Variants in ARHGEF12 observed in about 807,000 individuals in gnomAD.
The protein encoded by ARHGEF12 is KMT2A/ARHGEF12 fusion protein.
ARHGEF12 carries 66 observed loss-of-function variants against 211.2 expected under a neutral mutation model. That is an observed-to-expected ratio of 0.31 (90% CI 0.26 to 0.38). The LOEUF (loss-of-function observed/expected upper bound fraction) is 0.38. Among genes scored for constraint, ARHGEF12 ranks in the 10% least tolerant of loss-of-function variants. ARHGEF12 has a pLI of 1.00. For missense variants in ARHGEF12, 1,429 were observed against 1,869.5 expected, an observed-to-expected ratio of 0.76 and a Z score of 4.34; for synonymous variants, 592 against 638.4, an observed-to-expected ratio of 0.93 and a Z score of 1.09.
intron 1 of ARHGEF12, among the ~76,000 whole-genome samples, chr11:120,343,481 G>C (rs1028409324): frequency 1.3e-5 from 2 of 152,180 alleles, no homozygotes; most frequent in Non-Finnish European, 2.9e-5. Flanking sequence ...TGCCTAAATT[G>C]CATGAGTATA....
intron 1 of ARHGEF12, among the ~76,000 whole-genome samples, chr11:120,342,068 G>T (rs1942553330): frequency 6.6e-6 from 1 of 152,102 alleles, no homozygotes; most frequent in South Asian, 2.1e-4. Flanking sequence ...TATAAAACTA[G>T]AAAGGGCAGA....
chr11:120,447,024 T>C lies in ARHGEF12; in HGVS notation c.1528T>C (p.Leu510=). 2 of 1,614,146 alleles carry C rather than the reference T, an allele frequency of 1.2e-6. No homozygotes were observed. Among genetic ancestry groups the C allele is most frequent in the Non-Finnish European group, 1.7e-6 (2 of 1,180,032 alleles). Residue 510 remains leucine, a synonymous_variant, in exon 18 of 41, where the codon TTG becomes CTG. Transcript: ENST00000397843. ...TGATGCAGAGCGAGACAAGGACCGA[T>C]TGACTTTGGAGAAGGAGCGGACATG... ...KLDAERDKDR[L]TLEKERTCAE...
At chr11:120,348,295 G>A (rs1942829211) in intron 1 of ARHGEF12, among the ~76,000 whole-genome samples, 2 of 152,164 alleles carry the variant, frequency 1.3e-5, no homozygotes, top group African/African-American at 4.8e-5. Flanking sequence ...ATTTGCCCAA[G>A]AAGAATAAGT....
Position 120,431,812 on chromosome 11 carries a change from C to T in ARHGEF12, c.825C>T (p.Thr275=). ...CACCCTCCAGACCTTTAGGGGACAC[C>T]CTAACAGTCAGTGAGGCAGAAACAG... ...VVTPSRPLGD[T]LTVSEAETDP... is the part of the protein sequence containing the mutation. Residue 275 remains threonine (T), a synonymous_variant, in exon 11 of 41, where the codon ACC becomes ACT. Coordinates refer to ENST00000397843, the MANE Select transcript of ARHGEF12 (RefSeq NM_015313.3). 1 of 1,613,846 alleles carries T rather than the reference C, an allele frequency of 6.2e-7. No homozygotes were observed. Among genetic ancestry groups the T allele is most frequent in the Admixed American group, 1.7e-5 (1 of 59,988 alleles).
At chr11:120,370,000 G>T (rs981263897) in intron 1 of ARHGEF12, among the ~76,000 whole-genome samples, 3 of 151,954 alleles carry the variant, frequency 2.0e-5, no homozygotes, top group African/African-American at 7.3e-5. Context: ...TTATACTTTG[G>T]CTATATGTTA....
At chr11:120,407,704 G>T (rs1002641375) in intron 2 of ARHGEF12, 34 bp from the exon 3 acceptor site, 9 of 1,482,284 alleles carry the variant, frequency 6.1e-6, no homozygotes, top group Non-Finnish European at 8.4e-6. Flanking sequence ...TGATTTTCTT[G>T]CACTAAGCAT....
At chr11:120,475,998 A>G (rs914977854) in intron 33 of ARHGEF12, 2 of 153,058 alleles carry the variant, frequency 1.3e-5, no homozygotes, top group African/African-American at 4.8e-5. Flanking sequence ...ATTATTAACT[A>G]ACAACTTAGC....
At chr11:120,351,579 T>C (rs1403154268) in intron 1 of ARHGEF12, among the ~76,000 whole-genome samples, 1 of 148,042 alleles carries the variant, frequency 6.8e-6, no homozygotes, top group Non-Finnish European at 1.5e-5. Flanking sequence ...CAAGAAATTC[T>C]CCTGCCTCAG....
At chr11:120,445,503 T>C in intron 16 of ARHGEF12, 39 bp downstream of exon 16, 1 of 1,591,446 alleles carries the variant, frequency 6.3e-7, no homozygotes, top group Non-Finnish European at 8.6e-7. Context: ...AATTACATCT[T>C]AATAGATATG....
Position 120,372,832 on chromosome 11 carries a change from C to T in ARHGEF12, c.33-33286C>T, listed in dbSNP as rs960287605. 2.6e-5 allele frequency among the ~76,000 whole-genome samples: 4 copies of T among 152,158 alleles called. No individual in the cohort carries two copies. In the East Asian group the frequency reaches 7.7e-4, roughly 29 times the overall value. ...TCCCCAATATCTCTTATCATGTCTA[C>T]TTCATAGGACTTCAGATGTGAAGTT... On this transcript the variant is annotated intron_variant, in intron 1 of 40. Transcript: ENST00000397843.
At chr11:120,437,278 A>G (rs759950822) in intron 11 of ARHGEF12, 30 bp from the exon 12 acceptor site, 1 of 1,533,498 alleles carries the variant, frequency 6.5e-7, no homozygotes, top group Non-Finnish European at 8.9e-7. Flanking sequence ...GCCTATTGAA[A>G]TGAACTGAAG....
chr11:120,370,329 A>G (rs1284516405), intron 1 of ARHGEF12, among the ~76,000 whole-genome samples: 2 of 152,092 alleles, frequency 1.3e-5, no homozygotes, highest in African/African-American at 2.4e-5. Flanking sequence ...TGAGCTTTCT[A>G]ATCTTTTCCC....
intron 1 of ARHGEF12, among the ~76,000 whole-genome samples, chr11:120,405,056 A>G (rs1737944494): frequency 6.6e-6 from 1 of 152,196 alleles, no homozygotes; most frequent in Admixed American, 6.5e-5. Flanking sequence ...TCTATGGATC[A>G]ATTTTGGTTT....
At chr11:120,452,301 A>T (rs565531291) in intron 22 of ARHGEF12, among the ~76,000 whole-genome samples, 118 of 152,204 alleles carry the variant, frequency 7.8e-4, no homozygotes, top group Non-Finnish European at 1.4e-3. Flanking sequence ...ATTTACTGAG[A>T]GTGAGAGTTC....
chr11:120,432,449 A>G (rs1476233460), intron 11 of ARHGEF12, among the ~76,000 whole-genome samples: 1 of 152,238 alleles, frequency 6.6e-6, no homozygotes, highest in African/African-American at 2.4e-5. Context: ...TAAGCTGAAT[A>G]TGATGTAACA....
intron 1 of ARHGEF12, among the ~76,000 whole-genome samples, chr11:120,398,360 A>C (rs546350004): frequency 1.3e-5 from 2 of 152,170 alleles, no homozygotes; most frequent in African/African-American, 4.8e-5. Flanking sequence ...CCAACCTTTC[A>C]AATTCAGTGC....
chr11:120,392,427 C>T (rs1944248026), intron 1 of ARHGEF12, among the ~76,000 whole-genome samples: 1 of 152,126 alleles, frequency 6.6e-6, no homozygotes. Context: ...GGAATGTAAG[C>T]TGCTTGAGAG....
chr11:120,449,563 G>A (rs535254447), intron 21 of ARHGEF12: 82 of 180,584 alleles, frequency 4.5e-4, no homozygotes, highest in Middle Eastern at 2.3e-3. Flanking sequence ...GCCAGGCGTG[G>A]TGGCATGCGC....
In ARHGEF12 at chr11:120,457,129, G is replaced by A. The variant is rs943776656; in HGVS notation, c.2068G>A (p.Val690Ile). ...ACTTTTGTCTACAGGATCAAAGCAAGTTGGAGAAACATCAGCACCTGGAGA... is the reference window on the plus strand; with the variant it reads ...ACTTTTGTCTACAGGATCAAAGCAAATTGGAGAAACATCAGCACCTGGAGA... ...GKENDTGSKQ[V>I]GETSAPGDTL... The change falls in exon 23 of 41, where the codon GTT (valine) becomes ATT (isoleucine). Residue 690 changes from valine (V) to isoleucine (I), a missense_variant. By Grantham distance (29) the Val-to-Ile change is conservative. Around this residue, in one of 7 missense-constraint regions of ARHGEF12, gnomAD observed 373 missense variants for 467.5 expected, o/e 0.80. Transcript: ENST00000397843. 9.3e-6 allele frequency: 15 copies of A among 1,613,660 alleles called. 1 individual carries two copies. Among genetic ancestry groups the A allele is most frequent in the Non-Finnish European group, 1.3e-5 (15 of 1,179,880 alleles).
Sources: gnomAD v4.1 joint callset for allele counts (sites outside exome capture counted in the v4.1 genomes callset) on GRCh38, gnomAD v4.1.1 for gene constraint, gnomAD v4.1.1 regional missense constraint, MANE v1.5 for transcripts, NCBI Gene and HGNC (gene_info 2026-07-23, HGNC 2026-07-21) for gene names.